Variants in ENTREP2 observed in about 807,000 individuals in gnomAD.
ENTREP2 encodes endosomal transmembrane epsin interactor 2.
the ENTREP2 span, chr15:29,569,513 AGCCTAT>A: frequency 1.3e-5 from 2 of 152,254 alleles, no homozygotes; most frequent in East Asian, 3.8e-4. Context: ...TGAGTTTACA[AGCCTAT>A]GCGATGTATT....
At chr15:29,564,082 C>T in the ENTREP2 span, among the ~76,000 whole-genome samples, 2 of 152,084 alleles carry the variant, frequency 1.3e-5, no homozygotes, top group Non-Finnish European at 2.9e-5. Context: ...TTTTCCTGAT[C>T]TATTAGGAGG....
At chr15:29,199,812 G>A in the ENTREP2 span, among the ~76,000 whole-genome samples, 1 of 152,008 alleles carries the variant, frequency 6.6e-6, no homozygotes, top group Non-Finnish European at 1.5e-5. Flanking sequence ...CCTAGCCCTA[G>A]ATCTTTCTCC....
chr15:29,149,485 G>A, the ENTREP2 span, among the ~76,000 whole-genome samples: 1 of 152,234 alleles, frequency 6.6e-6, no homozygotes, highest in South Asian at 2.1e-4. Context: ...GGTAGGGAAT[G>A]GTTCGCACAG....
chr15:29,428,154 T>C, the ENTREP2 span, among the ~76,000 whole-genome samples: 2 of 152,188 alleles, frequency 1.3e-5, no homozygotes, highest in Non-Finnish European at 2.9e-5. Flanking sequence ...CCAAGTCCAC[T>C]TTCCACAGCA....
the ENTREP2 span, among the ~76,000 whole-genome samples, chr15:29,257,364 C>T: frequency 6.6e-5 from 10 of 152,144 alleles, no homozygotes; most frequent in South Asian, 4.1e-4. Flanking sequence ...TGAGCCACCG[C>T]GCCAGGCCAA....
chr15:29,377,743 C>A, the ENTREP2 span, among the ~76,000 whole-genome samples: 1 of 151,380 alleles, frequency 6.6e-6, no homozygotes, highest in Non-Finnish European at 1.5e-5. Context: ...ATCGCTTGAA[C>A]CCGGGTGGCA....
chr15:29,501,887 T>A, the ENTREP2 span, among the ~76,000 whole-genome samples: 1 of 151,586 alleles, frequency 6.6e-6, no homozygotes, highest in Non-Finnish European at 1.5e-5. Flanking sequence ...CAATGAAAAA[T>A]TTTAAAATGA....
the ENTREP2 span, among the ~76,000 whole-genome samples, chr15:29,220,187 C>G: frequency 6.6e-6 from 1 of 152,056 alleles, no homozygotes; most frequent in Non-Finnish European, 1.5e-5. Flanking sequence ...GCTCAGGGGT[C>G]TGCGTGGGCT....
the ENTREP2 span, among the ~76,000 whole-genome samples, chr15:29,586,884 T>G: frequency 6.6e-6 from 1 of 152,224 alleles, no homozygotes; most frequent in Non-Finnish European, 1.5e-5. Context: ...AACTGGGAAC[T>G]ACTTGCAGTA....
At chr15:29,190,671 A>C in the ENTREP2 span, among the ~76,000 whole-genome samples, 7 of 152,210 alleles carry the variant, frequency 4.6e-5, no homozygotes, top group Admixed American at 4.6e-4. Context: ...TAATTCAAAC[A>C]CAACTAAAAT....
chr15:29,604,683 G>T, the ENTREP2 span, among the ~76,000 whole-genome samples: 303 of 152,222 alleles, frequency 2.0e-3, 1 homozygote, highest in African/African-American at 6.8e-3. Context: ...CCAAAATATT[G>T]TTTTATTTCT....
At chr15:29,400,181 G>A in the ENTREP2 span, among the ~76,000 whole-genome samples, 4 of 152,164 alleles carry the variant, frequency 2.6e-5, no homozygotes, top group Non-Finnish European at 4.4e-5. Context: ...CTTGCCCAAC[G>A]TTACAATGAT....
chr15:29,166,696 C>T, the ENTREP2 span, among the ~76,000 whole-genome samples: 1 of 152,080 alleles, frequency 6.6e-6, no homozygotes, highest in Non-Finnish European at 1.5e-5. Context: ...GAAACACATC[C>T]CAGGCTCGTG....
the ENTREP2 span, among the ~76,000 whole-genome samples, chr15:29,634,752 C>T: frequency 3.2e-3 from 491 of 152,268 alleles, 3 homozygotes; most frequent in African/African-American, 0.011. Flanking sequence ...GTCCCCATGG[C>T]TCCTCTTTTG....
the ENTREP2 span, among the ~76,000 whole-genome samples, chr15:29,642,960 T>G: frequency 6.6e-6 from 1 of 152,076 alleles, no homozygotes; most frequent in East Asian, 1.9e-4. Context: ...GATGTCTACA[T>G]GCAAAAGAAT....
At chr15:29,212,602 T>G in the ENTREP2 span, among the ~76,000 whole-genome samples, 1 of 152,208 alleles carries the variant, frequency 6.6e-6, no homozygotes, top group Non-Finnish European at 1.5e-5. Flanking sequence ...GCTCTTTCAG[T>G]CTTTTTGATG....
chr15:29,562,181 G>A, the ENTREP2 span, among the ~76,000 whole-genome samples: 2 of 152,380 alleles, frequency 1.3e-5, no homozygotes, highest in East Asian at 3.9e-4. Flanking sequence ...TGAGGAGAGT[G>A]AAGACACACA....
the ENTREP2 span, among the ~76,000 whole-genome samples, chr15:29,215,153 T>C: frequency 3.3e-5 from 5 of 152,208 alleles, no homozygotes; most frequent in African/African-American, 9.7e-5. Flanking sequence ...AGGACTGTGA[T>C]ATTTTCCGGT....
the ENTREP2 span, among the ~76,000 whole-genome samples, chr15:29,614,932 A>T: frequency 5.3e-5 from 8 of 152,126 alleles, no homozygotes; most frequent in Non-Finnish European, 1.0e-4. Flanking sequence ...GAAAGAAGTT[A>T]CTGCAAGGAA....
Sources: gnomAD v4.1 joint callset for allele counts (sites outside exome capture counted in the v4.1 genomes callset) on GRCh38, gnomAD v4.1.1 for gene constraint, MANE v1.5 for transcripts, NCBI Gene and HGNC (gene_info 2026-07-23, HGNC 2026-07-21) for gene names.